Variants in COL19A1 observed in about 807,000 individuals in gnomAD.
The protein encoded by COL19A1 is collagen type XIX alpha 1 chain, also known as collagen alpha-1(XIX) chain.
In COL19A1, 159 loss-of-function variants were observed where a neutral mutation model predicts 190.2. The observed-to-expected ratio is 0.84, with a 90% CI of 0.73 to 0.95. The LOEUF (loss-of-function observed/expected upper bound fraction) is 0.95. Among genes scored for constraint, COL19A1 ranks in the 40% least tolerant of loss-of-function variants. The pLI is 0.00. For missense variants in COL19A1, 1,418 were observed against 1,431.9 expected (o/e 0.99, Z 0.16); for synonymous variants, 509 against 458.9 (o/e 1.11, Z -1.39).
chr6:70,168,671 C>T lies in COL19A1; in HGVS notation c.2558C>T (p.Pro853Leu), dbSNP rs1400628934. Residue 853 changes from proline (P) to leucine (L), a missense_variant, in exon 40 of 51, where the codon CCT becomes CTT. By Grantham distance (98) the Pro-to-Leu change is moderately conservative (BLOSUM62 -3). Transcript: ENST00000620364. ...CTCTTACAGGGCCCAAAAGGCGATC[C>T]TGGCCCAGTGGTATGAATGTTCCCA... ...PPGPPGPKGD[P>L]GPVGEPGAMG... The T allele has an allele frequency of 6.2e-7, 1 of 1,612,862 alleles. No individual in the cohort carries two copies. The highest frequency in any genetic ancestry group is 2.2e-5 in the East Asian group (1 of 44,784).
chr6:70,115,745 T>C (rs1322530134), intron 16 of COL19A1, among the ~76,000 whole-genome samples: 2 of 151,964 alleles, frequency 1.3e-5, no homozygotes, highest in East Asian at 1.9e-4. Context: ...CTGAATCTGC[T>C]CTTGGCTTTA....
chr6:70,087,474 G>C (rs952271047), intron 15 of COL19A1, among the ~76,000 whole-genome samples: 2 of 152,028 alleles, frequency 1.3e-5, no homozygotes, highest in African/African-American at 4.8e-5. Context: ...TTAGGAGGTC[G>C]GTATGGCTAG....
At chr6:69,892,993 G>A (rs1193212548) in intron 2 of COL19A1, among the ~76,000 whole-genome samples, 2 of 152,192 alleles carry the variant, frequency 1.3e-5, no homozygotes, top group Non-Finnish European at 2.9e-5. Flanking sequence ...CAGGAAGAGA[G>A]AAACAAACGT....
At chr6:70,032,509 C>G (rs907159078) in intron 12 of COL19A1, among the ~76,000 whole-genome samples, 1 of 151,778 alleles carries the variant, frequency 6.6e-6, no homozygotes, top group South Asian at 2.1e-4. Flanking sequence ...TTCTAGTAAC[C>G]AAATTAAGCA....
intron 14 of COL19A1, 109 bp downstream of exon 14, chr6:70,036,048 G>A: frequency 9.5e-7 from 1 of 1,047,246 alleles, no homozygotes; most frequent in Non-Finnish European, 1.4e-6. Flanking sequence ...AAGAATTGAA[G>A]GTGACTTCGA....
chr6:70,072,991 AT>A (rs1230132052), intron 15 of COL19A1, among the ~76,000 whole-genome samples: 2 of 148,894 alleles, frequency 1.3e-5, no homozygotes, highest in Non-Finnish European at 1.5e-5. Flanking sequence ...TTATTTATTT[AT>A]TTATTTATTA....
chr6:69,868,938 C>T (rs1042706801), intron 1 of COL19A1, among the ~76,000 whole-genome samples: 1 of 151,588 alleles, frequency 6.6e-6, no homozygotes, highest in Non-Finnish European at 1.5e-5. Context: ...GACTAAGAGG[C>T]ATCACAAATG....
In COL19A1 at chr6:69,917,648, G is replaced by A. The variant is rs1213799747; in HGVS notation, c.267-10261G>A. 2.6e-5 allele frequency among the ~76,000 whole-genome samples: 4 copies of A among 152,164 alleles called. No individual in the cohort carries two copies. In the East Asian group the frequency reaches 7.7e-4, roughly 29 times the overall value. On this transcript the variant is annotated intron_variant, in intron 4 of 50. Transcript: ENST00000620364. ...TAATGTGTTAGATGGTGACTAGGGTGAGGACAATCTTAGACCGTTCAAGGG... is the reference window on the plus strand; with the variant it reads ...TAATGTGTTAGATGGTGACTAGGGTAAGGACAATCTTAGACCGTTCAAGGG...
At chr6:69,942,047 T>C (rs1458474855) in intron 9 of COL19A1, among the ~76,000 whole-genome samples, 1 of 152,200 alleles carries the variant, frequency 6.6e-6, no homozygotes, top group Admixed American at 6.5e-5. Flanking sequence ...TAATGTCGAT[T>C]AGAAGCCATC....
intron 11 of COL19A1, among the ~76,000 whole-genome samples, chr6:70,001,317 T>A (rs1267985316): frequency 6.6e-6 from 1 of 152,222 alleles, no homozygotes; most frequent in African/African-American, 2.4e-5. Flanking sequence ...CCTCCAGCTT[T>A]GTTCTTTTTG....
intron 12 of COL19A1, among the ~76,000 whole-genome samples, chr6:70,030,154 C>A (rs1778971569): frequency 6.6e-6 from 1 of 152,144 alleles, no homozygotes; most frequent in Non-Finnish European, 1.5e-5. Context: ...ATATTCACAT[C>A]AGCTTGTAAT....
intron 2 of COL19A1, among the ~76,000 whole-genome samples, chr6:69,893,271 A>G (rs767109371): frequency 5.9e-5 from 9 of 152,326 alleles, no homozygotes; most frequent in Admixed American, 1.3e-4. Context: ...TCATAAACCT[A>G]TATTTCAGAG....
intron 18 of COL19A1, among the ~76,000 whole-genome samples, chr6:70,131,832 A>G (rs889978177): frequency 1.3e-5 from 2 of 151,918 alleles, no homozygotes; most frequent in Non-Finnish European, 2.9e-5. Flanking sequence ...TTACTTAGAC[A>G]TTCTTAAGAC....
intron 15 of COL19A1, chr6:70,098,669 G>A (rs116680230): frequency 2.0e-5 from 6 of 294,832 alleles, no homozygotes; most frequent in South Asian, 1.0e-4. Context: ...AAACGATGGC[G>A]TTCCCTTCAG....
intron 49 of COL19A1, 40 bp from the exon 50 acceptor site, chr6:70,206,861 C>T (rs1219626941): frequency 6.4e-7 from 1 of 1,572,594 alleles, no homozygotes; most frequent in Admixed American, 1.8e-5. Context: ...TGCCATAGAA[C>T]CCTTTTTGTG....
rs112625317 is a variant in COL19A1 at position 70,106,216 on chromosome 6, T to G, written c.1278+3994T>G. On this transcript the variant is annotated intron_variant, in intron 16 of 50. Transcript: ENST00000620364. Reference sequence around the variant, plus strand: ...AAAGTGTTTTAACCAGTCCTTCTACTTGATTATTTGTTCTGAAGCCAAATT... The same window carrying G: ...AAAGTGTTTTAACCAGTCCTTCTACGTGATTATTTGTTCTGAAGCCAAATT... Among the ~76,000 whole-genome samples, 803 of 152,246 alleles carry G rather than the reference T, an allele frequency of 5.3e-3. 6 individuals carry two copies. Among genetic ancestry groups the G allele is most frequent in the African/African-American group, 0.019 (773 of 41,550 alleles).
At chr6:70,092,642 A>G (rs1783001718) in intron 15 of COL19A1, among the ~76,000 whole-genome samples, 1 of 152,182 alleles carries the variant, frequency 6.6e-6, no homozygotes, top group South Asian at 2.1e-4. Context: ...GTTCCACCTC[A>G]CTGATCCTCT....
At chr6:69,994,165 C>T (rs1473222421) in intron 11 of COL19A1, among the ~76,000 whole-genome samples, 1 of 152,012 alleles carries the variant, frequency 6.6e-6, no homozygotes, top group Non-Finnish European at 1.5e-5. Flanking sequence ...CAGGCAGCAA[C>T]TCAAAATAAT....
At chr6:69,950,988 A>C (rs16868379) in intron 9 of COL19A1, among the ~76,000 whole-genome samples, 2,325 of 152,016 alleles carry the variant, frequency 0.015, 64 homozygotes, top group African/African-American at 0.046. Context: ...GATAGTAAAA[A>C]TTGAACAAAT....
Sources: allele counts gnomAD v4.1 joint callset (sites outside exome capture counted in the v4.1 genomes callset), GRCh38; gene constraint gnomAD v4.1.1; transcripts MANE v1.5; gene names NCBI Gene and HGNC (gene_info 2026-07-23, HGNC 2026-07-21).